Variants in PCDHGA4 observed in about 807,000 individuals in gnomAD.
PCDHGA4 encodes the protein protocadherin gamma subfamily A, 4, also known as protocadherin gamma-A4.
PCDHGA4 carries 38 observed loss-of-function variants against 54.6 expected under a neutral mutation model. That is an observed-to-expected ratio of 0.70 (90% CI 0.54 to 0.91). The LOEUF (loss-of-function observed/expected upper bound fraction) is 0.91. PCDHGA4 is among the 40% of genes least tolerant of loss of function. The probability of loss-of-function intolerance (pLI) is 0.00; values close to 1 mark genes in which losing one functional copy is unlikely to be tolerated. For synonymous variants in PCDHGA4, 511 were observed against 512.9 expected (o/e 1.00, Z 0.05); for missense variants, 1,298 against 1,220.9 (o/e 1.06, Z -0.94).
At chr5:141,382,597 A>G (rs1231482807) in intron 1 of PCDHGA4, 7 of 256,092 alleles carry the variant, frequency 2.7e-5, no homozygotes, top group African/African-American at 6.6e-5. Context: ...AGATGAAACA[A>G]TTTTCTATGA....
intron 1 of PCDHGA4, chr5:141,404,696 G>A (rs757662807): frequency 6.2e-7 from 1 of 1,614,104 alleles, no homozygotes; most frequent in Non-Finnish European, 8.5e-7. Context: ...ACCCCGCTCT[G>A]CAGAGCCTGG....
intron 1 of PCDHGA4, chr5:141,398,647 C>T: frequency 6.2e-7 from 1 of 1,614,070 alleles, no homozygotes; most frequent in Non-Finnish European, 8.5e-7. Context: ...TAAACTCTCT[C>T]TTAACCCAAG....
chr5:141,487,688 G>T lies in PCDHGA4; in HGVS notation c.2515-7119G>T, dbSNP rs376927186. ...AGGCATATGGCTAGGCCATGTCCTAGAGAGTACTGGCCTCTCAGTAAGTGC... is the reference window on the plus strand; with the variant it reads ...AGGCATATGGCTAGGCCATGTCCTATAGAGTACTGGCCTCTCAGTAAGTGC... On this transcript the variant is annotated intron_variant, in intron 1 of 3. Coordinates refer to ENST00000571252, the MANE Select transcript of PCDHGA4 (RefSeq NM_018917.4). The surrounding 1 kb of genome is among the most constrained non-coding windows in gnomAD (Gnocchi z 5.0). 1.2e-6 allele frequency: 2 copies of T among 1,604,966 alleles called. No individual in the cohort carries two copies.
intron 1 of PCDHGA4, among the ~76,000 whole-genome samples, chr5:141,359,508 A>G (rs1481865677): frequency 1.3e-5 from 2 of 151,268 alleles, no homozygotes; most frequent in Admixed American, 6.6e-5. Context: ...CTAGATAACT[A>G]TATTATGGGC....
chr5:141,478,612 G>A (rs1311028260), intron 1 of PCDHGA4: 2 of 1,558,218 alleles, frequency 1.3e-6, no homozygotes, highest in African/African-American at 1.4e-5. Flanking sequence ...TATTGAGGAA[G>A]GAATGGAGCT....
intron 1 of PCDHGA4, chr5:141,418,660 T>C (rs1377720154): frequency 6.2e-7 from 1 of 1,614,024 alleles, no homozygotes; most frequent in Admixed American, 1.7e-5. Context: ...TGAAGGCCAC[T>C]GACCAGGACG....
intron 1 of PCDHGA4, among the ~76,000 whole-genome samples, chr5:141,363,225 C>A (rs1260243395): frequency 2.0e-5 from 3 of 152,330 alleles, no homozygotes; most frequent in African/African-American, 7.2e-5. Context: ...ATCTTACAAC[C>A]TATGTTCACA....
chr5:141,420,246 T>C (rs1216078492), intron 1 of PCDHGA4: 3 of 1,583,234 alleles, frequency 1.9e-6, no homozygotes, highest in African/African-American at 2.7e-5. Context: ...ACTCCCAGCG[T>C]TGAAGCAGAT....
At chr5:141,363,078 A>G (rs1338723050) in intron 1 of PCDHGA4, among the ~76,000 whole-genome samples, 1 of 152,256 alleles carries the variant, frequency 6.6e-6, no homozygotes. Flanking sequence ...TGGAATCACA[A>G]ATGTATTTCT....
chr5:141,457,466 A>C (rs1404739941), intron 1 of PCDHGA4, among the ~76,000 whole-genome samples: 1 of 152,356 alleles, frequency 6.6e-6, no homozygotes, highest in East Asian at 1.9e-4. Context: ...ATTCACAGGA[A>C]TAAGCAGGGC....
intron 1 of PCDHGA4, chr5:141,423,750 TGG>T (rs144521096): frequency 3.2e-4 from 92 of 287,850 alleles, no homozygotes; most frequent in South Asian, 5.2e-4. Context: ...GAAAACTGTT[TGG>T]GGGGGGGGTG....
chr5:141,474,105 C>A (rs1292743515), intron 1 of PCDHGA4, among the ~76,000 whole-genome samples: 1 of 152,036 alleles, frequency 6.6e-6, no homozygotes, highest in African/African-American at 2.4e-5. Flanking sequence ...ACAACAAAAA[C>A]AACAACAACG....
chr5:141,421,464 T>A lies in PCDHGA4; in HGVS notation c.2514+63843T>A, dbSNP rs773727821. ...GGAAGACACAGCTTTTCGCTGTGAA[T>A]CCGCGAAGCGGCAGCTTGATCACGG... On this transcript the variant is annotated intron_variant, in intron 1 of 3. Transcript: ENST00000571252. 17 of 1,613,972 alleles carry A rather than the reference T, an allele frequency of 1.1e-5. No individual in the cohort carries two copies. In the East Asian group the frequency reaches 3.6e-4, roughly 34 times the overall value.
In PCDHGA4 at chr5:141,486,128, G is replaced by C. The variant is rs1447222839; in HGVS notation, c.2515-8679G>C. ...TGAGAGTGAGAATTACTATGAATTT[G>C]ATGTGCGGGCTCGCGATGGGGGTTC... is the stretch of plus-strand genomic sequence containing the variant. On this transcript the variant is annotated intron_variant, in intron 1 of 3. Transcript: ENST00000571252. This position sits in a 1 kb window ranked among gnomAD's most constrained non-coding sequence, Gnocchi z 5.0. 6.2e-7 allele frequency: 1 copy of C among 1,614,066 alleles called. No homozygotes were observed. Among genetic ancestry groups the C allele is most frequent in the Non-Finnish European group, 8.5e-7 (1 of 1,180,034 alleles).
At chr5:141,409,402 C>G (rs2095262140) in intron 1 of PCDHGA4, 2 of 1,613,924 alleles carry the variant, frequency 1.2e-6, no homozygotes, top group Non-Finnish European at 8.5e-7. Context: ...CTTCCAATAA[C>G]TACTACAAAC....
At chr5:141,478,920 C>A (rs559060283) in intron 1 of PCDHGA4, 1 of 728,392 alleles carries the variant, frequency 1.4e-6, no homozygotes. Context: ...ATACCTCTAA[C>A]CAGTGGCAGC....
At chr5:141,384,331 G>T (rs376216978) in intron 1 of PCDHGA4, 21 of 1,613,846 alleles carry the variant, frequency 1.3e-5, no homozygotes, top group African/African-American at 2.7e-5. Context: ...GACTGCACAG[G>T]ACCACGACAG....
chr5:141,479,568 G>A (rs553213095), intron 1 of PCDHGA4: 2 of 152,346 alleles, frequency 1.3e-5, no homozygotes, highest in East Asian at 3.9e-4. Context: ...GTAGTGGGAT[G>A]ACATCTGTGA....
At chr5:141,497,212 G>T (rs968445663) in intron 2 of PCDHGA4, among the ~76,000 whole-genome samples, 3 of 150,900 alleles carry the variant, frequency 2.0e-5, no homozygotes, top group Non-Finnish European at 3.0e-5. Context: ...AGTGTAATGG[G>T]GGGGGGAAGA....
Sources: gnomAD v4.1 joint callset for allele counts (sites outside exome capture counted in the v4.1 genomes callset) on GRCh38, gnomAD v4.1.1 for gene constraint, Gnocchi (gnomAD v3.1) non-coding constraint, MANE v1.5 for transcripts, NCBI Gene and HGNC (gene_info 2026-07-23, HGNC 2026-07-21) for gene names.